The following PATZ1 variants were observed in gnomAD, a reference collection of about 807,000 sequenced individuals.
PATZ1 encodes the protein POZ/BTB and AT hook containing zinc finger 1, also known as POZ-, AT hook-, and zinc finger-containing protein 1.
A neutral mutation model predicts 46.2 loss-of-function variants in PATZ1; 9 were observed. The ratio of observed to expected loss-of-function variants is 0.19; its 90% CI spans 0.12 to 0.34. The LOEUF (loss-of-function observed/expected upper bound fraction) is 0.34, where lower values mean the gene tolerates loss of function less well. PATZ1 is among the 10% of genes least tolerant of loss of function. PATZ1 has a pLI of 1.00. For synonymous variants in PATZ1, 426 were observed against 378.6 expected (o/e 1.13, Z -1.45); for missense variants, 632 against 923.0 (o/e 0.68, Z 4.08).
chr22:31,343,567 A>C (rs754088811), intron 1 of PATZ1: 25 of 336,606 alleles, frequency 7.4e-5, no homozygotes, highest in Non-Finnish European at 1.0e-4. Context: ...GTTCACACAC[A>C]CAAGGTCCTA....
intron 2 of PATZ1, among the ~76,000 whole-genome samples, chr22:31,342,469 G>C (rs1324125867): frequency 6.6e-6 from 1 of 152,078 alleles, no homozygotes; most frequent in African/African-American, 2.4e-5. Flanking sequence ...CAGAAAAGGG[G>C]AAGAGTGGTT....
At chr22:31,333,354 G>A (rs1053392933) in intron 3 of PATZ1, among the ~76,000 whole-genome samples, 6 of 152,096 alleles carry the variant, frequency 3.9e-5, no homozygotes, top group Non-Finnish European at 7.3e-5. Context: ...TCGTTTATTC[G>A]TGCAACCCCT....
intron 3 of PATZ1, 26 bp downstream of exon 3, chr22:31,335,666 A>C: frequency 6.2e-7 from 1 of 1,607,440 alleles, no homozygotes; most frequent in Non-Finnish European, 8.5e-7. Context: ...CATCCTCTGG[A>C]AGTGAGGAAA....
intron 2 of PATZ1, among the ~76,000 whole-genome samples, chr22:31,338,183 C>T (rs941174320): frequency 6.6e-6 from 1 of 152,160 alleles, no homozygotes; most frequent in Admixed American, 6.5e-5. Context: ...CAGTACTTTA[C>T]CAATCCTCCT....
chr22:31,344,100 G>A (rs1202866226), intron 1 of PATZ1, among the ~76,000 whole-genome samples: 1 of 152,220 alleles, frequency 6.6e-6, no homozygotes, highest in African/African-American at 2.4e-5. Context: ...GGCCCCAGGA[G>A]GAGAGACAGT....
At chr22:31,338,162 C>T (rs2049535296) in intron 2 of PATZ1, 1 of 152,646 alleles carries the variant, frequency 6.6e-6, no homozygotes, top group South Asian at 2.1e-4. Flanking sequence ...CCACCCCCAC[C>T]ACACCCAGGC....
At chr22:31,337,117 A>AG (rs2049521538) in intron 2 of PATZ1, among the ~76,000 whole-genome samples, 1 of 152,204 alleles carries the variant, frequency 6.6e-6, no homozygotes, top group African/African-American at 2.4e-5. Context: ...CTCAAAAAAA[A>AG]AAAGCATTTG....
intron 2 of PATZ1, 23 bp downstream of exon 2, chr22:31,342,874 C>G (rs750584189): frequency 6.2e-7 from 1 of 1,613,240 alleles, no homozygotes; most frequent in Non-Finnish European, 8.5e-7. Context: ...TTCAGCCCAT[C>G]TCTGCCCTGA....
At chr22:31,342,807 C>T in intron 2 of PATZ1, 90 bp downstream of exon 2, 1 of 1,437,938 alleles carries the variant, frequency 7.0e-7, no homozygotes, top group Non-Finnish European at 9.7e-7. Flanking sequence ...TCAGCCGGGC[C>T]CCCGGCACAC....
At chr22:31,329,634 C>A (rs1361539873) in intron 3 of PATZ1, among the ~76,000 whole-genome samples, 1 of 152,174 alleles carries the variant, frequency 6.6e-6, no homozygotes, top group Non-Finnish European at 1.5e-5. Flanking sequence ...GGTTCGCGTA[C>A]AGGAGAAGAA....
Position 31,325,992 on chromosome 22 carries a change from A to T in PATZ1, c.*899T>A. The stretch of plus-strand genomic sequence containing the variant: ...CCTGACCAGACTGGCATTTTTTAAA[A>T]TTTTGCATAAAACTATTTCTTCCAT... On this transcript the variant is annotated 3_prime_UTR_variant, in exon 5 of 5. Transcript: ENST00000266269. The T allele has an allele frequency of 4.7e-6, 1 of 211,952 alleles. No homozygotes were observed. Among genetic ancestry groups the T allele is most frequent in the Admixed American group, 5.9e-5 (1 of 17,024 alleles). The allele number at this position is 211,952 out of a possible 1,614,324, so 13.1% of individuals were successfully genotyped here.
chr22:31,343,238 G>C (rs2049605549), intron 1 of PATZ1: 3 of 1,196,854 alleles, frequency 2.5e-6, no homozygotes, highest in Non-Finnish European at 3.1e-6. Context: ...GAAACTCAGT[G>C]TTTTCTAGGA....
At chr22:31,341,253 G>T (rs1461474180) in intron 2 of PATZ1, 5 of 1,399,432 alleles carry the variant, frequency 3.6e-6, no homozygotes, top group Admixed American at 5.5e-5. Context: ...CCATTTGGGG[G>T]CTCTGACATG....
intron 3 of PATZ1, among the ~76,000 whole-genome samples, chr22:31,332,088 G>T (rs1601485592): frequency 3.3e-5 from 5 of 152,252 alleles, no homozygotes; most frequent in Admixed American, 3.3e-4. Context: ...TCCAGTCTGG[G>T]CAACAACAGC....
chr22:31,328,803 C>T lies in PATZ1; in HGVS notation c.1629G>A (p.Arg543=). The part of the protein sequence containing the change: ...LNGGAAFHCA[R]TYGNKEGQKC... ...GTCGCTTGCCTTTGTTGCCATAGGT[C>T]CTGGCGCAGTGGAACGCTGCTCCCC... The change falls in exon 4 of 5, where the codon AGG becomes AGA. Residue 543 remains arginine (R), a synonymous_variant. Transcript: ENST00000266269. This position sits in a 1 kb window ranked among gnomAD's most constrained non-coding sequence, Gnocchi z 4.8. The T allele has an allele frequency of 1.2e-6, 2 of 1,613,306 alleles. No individual in the cohort carries two copies. The highest frequency in any genetic ancestry group is 1.7e-6 in the Non-Finnish European group (2 of 1,179,842).
chr22:31,328,760 C>G lies in PATZ1; in HGVS notation c.1645+27G>C, dbSNP rs763097651. ...CCACAACACAGTCTGCGCAGAGAAGCAAAGTGCAGAGCAAGGGGTCGCTTG... is the reference window on the plus strand; with the variant it reads ...CCACAACACAGTCTGCGCAGAGAAGGAAAGTGCAGAGCAAGGGGTCGCTTG... On this transcript the variant is annotated intron_variant, in intron 4 of 4. Transcript: ENST00000266269. The surrounding 1 kb of genome is among the most constrained non-coding windows in gnomAD (Gnocchi z 4.8). 7 of 1,609,416 alleles carry G rather than the reference C, an allele frequency of 4.3e-6. No individual in the cohort carries two copies. The highest frequency in any genetic ancestry group is 5.1e-6 in the Non-Finnish European group (6 of 1,177,292).
chr22:31,340,848 A>G (rs1392359815), intron 2 of PATZ1: 1 of 1,062,000 alleles, frequency 9.4e-7, no homozygotes, highest in Non-Finnish European at 1.1e-6. Flanking sequence ...TTGGTTCCTG[A>G]GCAGACCTGC....
chr22:31,336,277 C>G (rs1166503427), intron 2 of PATZ1, among the ~76,000 whole-genome samples: 4 of 152,188 alleles, frequency 2.6e-5, no homozygotes, highest in African/African-American at 9.7e-5. Context: ...AACCAGCCTT[C>G]CTGTTCTGTA....
chr22:31,344,588 A>T lies in PATZ1; in HGVS notation c.1015T>A (p.Ser339Thr). ...TTTCGGGGGCCGTCGGGGTCTTCAG[A>T]GATGGGTAGCCCATTCTCACCCAGC... is the stretch of plus-strand genomic sequence containing the variant. ...PRLGENGLPI[S>T]EDPDGPRKRS... Residue 339 changes from serine to threonine, a missense_variant, in exon 1 of 5, where the codon TCT (serine) becomes ACT (threonine). Ser to Thr is a moderately conservative substitution (Grantham distance 58). Coordinates refer to ENST00000266269, the MANE Select transcript of PATZ1 (RefSeq NM_014323.3). 3.1e-6 allele frequency: 5 copies of T among 1,614,180 alleles called. No individual in the cohort carries two copies. The highest frequency in any genetic ancestry group is 3.4e-6 in the Non-Finnish European group (4 of 1,180,040).
Sources: allele counts gnomAD v4.1 joint callset (sites outside exome capture counted in the v4.1 genomes callset), GRCh38; gene constraint gnomAD v4.1.1; non-coding constraint Gnocchi (gnomAD v3.1); transcripts MANE v1.5; gene names NCBI Gene and HGNC (gene_info 2026-07-23, HGNC 2026-07-21).